The following SFMBT2 variants were observed in gnomAD, a reference collection of about 807,000 sequenced individuals.
SFMBT2 encodes the protein Scm like with four mbt domains 2.
Under a neutral mutation model 110.1 loss-of-function variants are expected in SFMBT2, and 38 were observed. The observed-to-expected ratio is 0.35, with a 90% confidence interval of 0.27 to 0.45. The LOEUF (loss-of-function observed/expected upper bound fraction) is 0.45. Among genes scored for constraint, SFMBT2 ranks in the 20% least tolerant of loss-of-function variants. The pLI is 1.00. For missense variants in SFMBT2, 1,011 were observed against 1,094.9 expected (o/e 0.92, Z 1.08); for synonymous variants, 425 against 425.4 (o/e 1.00, Z 0.01).
intron 1 of SFMBT2, among the ~76,000 whole-genome samples, chr10:7,410,445 G>A (rs1006024449): frequency 7.9e-5 from 12 of 152,254 alleles, no homozygotes; most frequent in Non-Finnish European, 1.6e-4. Flanking sequence ...TAAAATGAGT[G>A]CAGAAACGAG....
At chr10:7,164,374 G>A (rs1223515722) in intron 20 of SFMBT2, 1 of 969,062 alleles carries the variant, frequency 1.0e-6, no homozygotes, top group Admixed American at 6.2e-5. Context: ...CAACACAGCA[G>A]GAGACTCTCT....
chr10:7,269,354 T>C (rs1025102581), intron 7 of SFMBT2, among the ~76,000 whole-genome samples: 6 of 152,178 alleles, frequency 3.9e-5, no homozygotes, highest in Non-Finnish European at 8.8e-5. Flanking sequence ...TCACATTGCA[T>C]GCACAGACAC....
intron 10 of SFMBT2, among the ~76,000 whole-genome samples, chr10:7,222,477 C>T (rs1267931513): frequency 6.6e-6 from 1 of 152,176 alleles, no homozygotes; most frequent in Non-Finnish European, 1.5e-5. Flanking sequence ...GGAGGTCTCT[C>T]TCCTTGACTT....
intron 4 of SFMBT2, among the ~76,000 whole-genome samples, chr10:7,318,350 C>G (rs7908488): frequency 0.22 from 33,633 of 152,134 alleles, 4,200 homozygotes; most frequent in African/African-American, 0.32. Context: ...TCCTTCATAT[C>G]TTTTTATGTG....
At chr10:7,396,977 C>T (rs937574601) in intron 1 of SFMBT2, among the ~76,000 whole-genome samples, 2 of 151,620 alleles carry the variant, frequency 1.3e-5, no homozygotes, top group African/African-American at 4.9e-5. Context: ...ATGGGTGCAG[C>T]ACACCAACAT....
chr10:7,385,815 C>A (rs2255260), intron 1 of SFMBT2, among the ~76,000 whole-genome samples: 6 of 151,848 alleles, frequency 4.0e-5, no homozygotes, highest in Non-Finnish European at 4.4e-5. Context: ...CTGGCTAACA[C>A]GGTGAAACCC....
At chr10:7,275,253 T>C (rs778652092) in intron 7 of SFMBT2, among the ~76,000 whole-genome samples, 3 of 152,142 alleles carry the variant, frequency 2.0e-5, no homozygotes, top group Non-Finnish European at 2.9e-5. Flanking sequence ...CACATGTGTG[T>C]ATAGGGTACG....
intron 1 of SFMBT2, among the ~76,000 whole-genome samples, chr10:7,388,828 G>A (rs1226290105): frequency 6.6e-6 from 1 of 152,174 alleles, no homozygotes; most frequent in Non-Finnish European, 1.5e-5. Context: ...GTGTCACTCT[G>A]CAGATGGAGT....
At chr10:7,205,963 C>G in intron 11 of SFMBT2, 35 bp from the exon 12 acceptor site, 2 of 1,609,852 alleles carry the variant, frequency 1.2e-6, no homozygotes, top group Non-Finnish European at 1.7e-6. Context: ...GAGGTACAAA[C>G]AGATCTTACC....
intron 8 of SFMBT2, among the ~76,000 whole-genome samples, chr10:7,244,820 C>A (rs1206169022): frequency 6.6e-6 from 1 of 152,108 alleles, no homozygotes; most frequent in Non-Finnish European, 1.5e-5. Context: ...TCTGTTCTTG[C>A]CTGTGCTAAT....
At chr10:7,398,755 TC>T (rs940331899) in intron 1 of SFMBT2, among the ~76,000 whole-genome samples, 1 of 152,014 alleles carries the variant, frequency 6.6e-6, no homozygotes, top group Non-Finnish European at 1.5e-5. Context: ...AATTAGAGCA[TC>T]CCCCCAGGTT....
intron 7 of SFMBT2, among the ~76,000 whole-genome samples, chr10:7,256,555 C>T (rs1276205282): frequency 6.6e-6 from 1 of 152,208 alleles, no homozygotes; most frequent in Non-Finnish European, 1.5e-5. Flanking sequence ...TTAACAAATA[C>T]CATGACTACT....
chr10:7,244,952 C>A (rs558786062), intron 8 of SFMBT2, among the ~76,000 whole-genome samples: 1 of 152,260 alleles, frequency 6.6e-6, no homozygotes, highest in South Asian at 2.1e-4. Flanking sequence ...ATCCTCCCAC[C>A]ACCTGAAAGG....
rs1251408246 is a variant in SFMBT2 at position 7,220,407 on chromosome 10, G to A, written c.1330+4C>T. 6.8e-6 allele frequency: 11 copies of A among 1,613,050 alleles called. No homozygotes were observed. The highest frequency in any genetic ancestry group is 4.0e-5 in the African/African-American group (3 of 74,868). ...AGCGACTGCTACCCCCAGCGAGTAC[G>A]TACCTTCCAGGTGAAGCCACATTAG... On this transcript the variant is annotated splice_donor_region_variant and intron_variant, in intron 11 of 20. Transcript: ENST00000397167.
intron 1 of SFMBT2, among the ~76,000 whole-genome samples, chr10:7,392,688 G>A (rs983338819): frequency 7.9e-5 from 12 of 151,786 alleles, no homozygotes; most frequent in Admixed American, 3.3e-4. Context: ...CTACCTTTTC[G>A]TGGTTTCTTT....
chr10:7,165,900 C>T (rs187415382), intron 20 of SFMBT2, among the ~76,000 whole-genome samples: 7 of 152,284 alleles, frequency 4.6e-5, no homozygotes, highest in East Asian at 1.9e-4. Context: ...GGCTCTAGGT[C>T]GCGAAGAAAC....
At chr10:7,228,933 G>A (rs546175984) in intron 9 of SFMBT2, among the ~76,000 whole-genome samples, 3 of 152,138 alleles carry the variant, frequency 2.0e-5, no homozygotes, top group Admixed American at 6.5e-5. Flanking sequence ...ATAACCCAGG[G>A]AGGAAAATGC....
intron 2 of SFMBT2, among the ~76,000 whole-genome samples, chr10:7,378,765 C>G (rs1307263606): frequency 4.2e-5 from 3 of 72,164 alleles, no homozygotes; most frequent in African/African-American, 1.1e-4. Flanking sequence ...GTGGGTGTGT[C>G]GCTGTGGGGT....
At chr10:7,392,132 C>T (rs959312726) in intron 1 of SFMBT2, among the ~76,000 whole-genome samples, 2 of 152,184 alleles carry the variant, frequency 1.3e-5, no homozygotes, top group Non-Finnish European at 2.9e-5. Flanking sequence ...CCCCTGAAAA[C>T]ATGCTCTCAA....
Sources: gnomAD v4.1 joint callset for allele counts (sites outside exome capture counted in the v4.1 genomes callset) on GRCh38, gnomAD v4.1.1 for gene constraint, MANE v1.5 for transcripts, NCBI Gene and HGNC (gene_info 2026-07-23, HGNC 2026-07-21) for gene names.